The following SPPL3 variants were observed in gnomAD, a reference collection of about 807,000 sequenced individuals.
SPPL3 encodes signal peptide peptidase like 3, also known as signal peptide peptidase-like 3.
In SPPL3, 5 loss-of-function variants were observed where a neutral mutation model predicts 42.4. The observed-to-expected ratio is 0.12, with a 90% CI of 0.06 to 0.25. SPPL3 has a LOEUF of 0.25. Among genes scored for constraint, SPPL3 ranks in the 10% least tolerant of loss-of-function variants. The probability of loss-of-function intolerance (pLI) is 1.00; values close to 1 mark genes in which losing one functional copy is unlikely to be tolerated. For synonymous variants in SPPL3, 195 were observed against 181.8 expected (o/e 1.07, Z -0.58); for missense variants, 235 against 489.0 (o/e 0.48, Z 4.90).
At chr12:120,874,452 C>CAAAAAAAA (rs71076673) in intron 1 of SPPL3, among the ~76,000 whole-genome samples, 3 of 97,426 alleles carry the variant, frequency 3.1e-5, no homozygotes, top group African/African-American at 8.8e-5. Flanking sequence ...GACCCTGTCG[C>CAAAAAAAA]AAAAAAAAAA....
chr12:120,866,085 C>T (rs1872746450), intron 1 of SPPL3, among the ~76,000 whole-genome samples: 1 of 152,176 alleles, frequency 6.6e-6, no homozygotes, highest in African/African-American at 2.4e-5. Flanking sequence ...AAGCTCAGGG[C>T]TCCCACTGAT....
rs142424551 is a variant in SPPL3 at position 120,766,365 on chromosome 12, G to T, written c.981C>A (p.Leu327=). ...GAATGCGAGACGCCACAGTAGCAGTGAGCAGGCCTGTGAGGAGAGAGAGGC... is the reference window on the plus strand; with the variant it reads ...GAATGCGAGACGCCACAGTAGCAGTTAGCAGGCCTGTGAGGAGAGAGAGGC... The part of the protein sequence containing the change: ...CTLIGYFVGL[L]TATVASRIHR... The change falls in exon 10 of 11, where the codon CTC becomes CTA. Residue 327 remains leucine (L), a synonymous_variant. Transcript: ENST00000353487. 1 of 1,584,538 alleles carries T rather than the reference G, an allele frequency of 6.3e-7. No homozygotes were observed. The highest frequency in any genetic ancestry group is 1.2e-5 in the South Asian group (1 of 86,392).
intron 1 of SPPL3, among the ~76,000 whole-genome samples, chr12:120,879,703 TGCTACATGTGCC>T (rs1432283766): frequency 4.6e-5 from 7 of 152,130 alleles, no homozygotes; most frequent in African/African-American, 1.5e-4. Context: ...TGTGTTCAAA[TGCTACATGTGCC>T]ACTCATTAAC....
chr12:120,790,826 CT>C (rs35743748), intron 3 of SPPL3, among the ~76,000 whole-genome samples: 26 of 147,034 alleles, frequency 1.8e-4, no homozygotes, highest in South Asian at 2.1e-4. Context: ...TATCTTGGCA[CT>C]TTTTTTTTTT....
chr12:120,807,511 T>TA (rs1870538558), intron 2 of SPPL3, among the ~76,000 whole-genome samples: 1 of 151,484 alleles, frequency 6.6e-6, no homozygotes, highest in Non-Finnish European at 1.5e-5. Flanking sequence ...CCATCTCTAC[T>TA]AAAAATACAA....
chr12:120,840,351 T>C (rs1871778533), intron 1 of SPPL3, among the ~76,000 whole-genome samples: 1 of 132,494 alleles, frequency 7.5e-6, no homozygotes, highest in South Asian at 2.4e-4. Flanking sequence ...CCTAAAAACA[T>C]GAAAGCTAAG....
intron 1 of SPPL3, among the ~76,000 whole-genome samples, chr12:120,852,879 C>CATATATGAA (rs1566061020): frequency 1.8e-3 from 16 of 9,060 alleles, no homozygotes; most frequent in Non-Finnish European, 6.4e-3. Context: ...ATATACATAT[C>CATATATGAA]ATATATATTT....
intron 10 of SPPL3, among the ~76,000 whole-genome samples, 153 bp downstream of exon 10, chr12:120,766,110 A>G (rs1028480290): frequency 7.7e-3 from 352 of 45,536 alleles, no homozygotes; most frequent in Admixed American, 0.026. Context: ...GCACACACAC[A>G]CACACACACA....
intron 1 of SPPL3, among the ~76,000 whole-genome samples, chr12:120,861,630 G>A (rs1254501328): frequency 1.1e-4 from 16 of 152,182 alleles, no homozygotes; most frequent in Admixed American, 1.0e-3. Flanking sequence ...GCAGCGGACT[G>A]AGTCCTGGTT....
At chr12:120,901,983 T>C (rs1356092934) in intron 1 of SPPL3, 1 of 968,192 alleles carries the variant, frequency 1.0e-6, no homozygotes, top group African/African-American at 1.8e-5. Flanking sequence ...AAGCAGCCAT[T>C]AGGACTCTCA....
chr12:120,848,638 A>G (rs1052317243), intron 1 of SPPL3, among the ~76,000 whole-genome samples: 1 of 152,234 alleles, frequency 6.6e-6, no homozygotes, highest in African/African-American at 2.4e-5. Context: ...AAATTAATCT[A>G]TATATTTAAC....
At chr12:120,781,555 GTTTTTTTTTTTTTTT>G (rs527339173) in intron 6 of SPPL3, among the ~76,000 whole-genome samples, 86 of 62,994 alleles carry the variant, frequency 1.4e-3, no homozygotes, top group South Asian at 2.8e-3. Flanking sequence ...TTATTGTTAC[GTTTTTTTTTTTTTTT>G]TTTTTTTTTT....
chr12:120,812,788 T>G (rs1272458668), intron 1 of SPPL3, among the ~76,000 whole-genome samples: 3 of 152,246 alleles, frequency 2.0e-5, no homozygotes, highest in East Asian at 3.8e-4. Flanking sequence ...GCCAGTTACT[T>G]AGCCTCTCTA....
chr12:120,781,554 CGTTTTT>C (rs1566039994), intron 6 of SPPL3, among the ~76,000 whole-genome samples: 12 of 69,162 alleles, frequency 1.7e-4, no homozygotes, highest in Non-Finnish European at 2.4e-4. Flanking sequence ...CTTATTGTTA[CGTTTTT>C]TTTTTTTTTT....
intron 1 of SPPL3, among the ~76,000 whole-genome samples, chr12:120,813,772 T>A (rs1289184413): frequency 6.6e-6 from 1 of 152,068 alleles, no homozygotes; most frequent in Non-Finnish European, 1.5e-5. Context: ...ACTCAACCCA[T>A]CAGAAACTGC....
At chr12:120,865,780 GACTGCC>G (rs1872738275) in intron 1 of SPPL3, among the ~76,000 whole-genome samples, 4 of 152,194 alleles carry the variant, frequency 2.6e-5, no homozygotes, top group Non-Finnish European at 4.4e-5. Context: ...CCAGGCCACA[GACTGCC>G]ACCAGTTAGT....
chr12:120,892,025 A>C (rs1873658769), intron 1 of SPPL3, among the ~76,000 whole-genome samples: 1 of 152,170 alleles, frequency 6.6e-6, no homozygotes, highest in Admixed American at 6.6e-5. Context: ...TGGACATAAC[A>C]CTTGAACCAA....
At chr12:120,833,766 AGTGTGTGT>A (rs71076664) in intron 1 of SPPL3, among the ~76,000 whole-genome samples, 42,322 of 146,500 alleles carry the variant, frequency 0.29, 6,906 homozygotes, top group Non-Finnish European at 0.36. Context: ...TGAGTTTTAA[AGTGTGTGT>A]GTGTGTGTGT....
chr12:120,771,496 A>G lies in SPPL3; in HGVS notation c.503-2437T>C, dbSNP rs138603351. On this transcript the variant is annotated intron_variant, in intron 6 of 10. Coordinates refer to ENST00000353487, the MANE Select transcript of SPPL3 (RefSeq NM_139015.5). ...GGACTTTCCTGCAATTACATTTAAGATCATACTTCCTGCCCTTGTCTTATT... is the reference window on the plus strand; with the variant it reads ...GGACTTTCCTGCAATTACATTTAAGGTCATACTTCCTGCCCTTGTCTTATT... 5.9e-3 allele frequency among the ~76,000 whole-genome samples: 896 copies of G among 152,296 alleles called. 11 individuals carry two copies. The highest frequency in any genetic ancestry group is 0.02 in the African/African-American group (811 of 41,570).
Sources: allele counts gnomAD v4.1 joint callset (sites outside exome capture counted in the v4.1 genomes callset), GRCh38; gene constraint gnomAD v4.1.1; transcripts MANE v1.5; gene names NCBI Gene and HGNC (gene_info 2026-07-23, HGNC 2026-07-21).